ERC1: variants seen among roughly 807,000 people sequenced by gnomAD.
The protein encoded by ERC1 is RAB6 interacting protein 2.
ERC1 carries 56 observed loss-of-function variants against 132.0 expected under a neutral mutation model. The observed-to-expected ratio is 0.42, with a 90% CI of 0.34 to 0.53. The LOEUF is 0.53. Ranked by LOEUF, ERC1 falls within the 20% of genes least tolerant of loss-of-function variation. ERC1 has a pLI of 0.03. For missense variants in ERC1, 1,202 were observed against 1,349.9 expected, an observed-to-expected ratio of 0.89 and a Z score of 1.72; for synonymous variants, 478 against 476.1, an observed-to-expected ratio of 1.00 and a Z score of -0.05.
At chr12:1,272,964 A>C (rs943340143) in intron 14 of ERC1, among the ~76,000 whole-genome samples, 8 of 151,570 alleles carry the variant, frequency 5.3e-5, no homozygotes, top group Admixed American at 2.0e-4. Flanking sequence ...AAAAAAAAAA[A>C]AAAAAAAACC....
chr12:1,011,098 G>C (rs1309145487), intron 1 of ERC1, among the ~76,000 whole-genome samples: 1 of 152,216 alleles, frequency 6.6e-6, no homozygotes, highest in Non-Finnish European at 1.5e-5. Context: ...TGCAAGTGCT[G>C]TGTTGAAAAT....
chr12:1,420,275 G>A (rs889791400), intron 17 of ERC1, among the ~76,000 whole-genome samples: 7 of 152,074 alleles, frequency 4.6e-5, no homozygotes, highest in African/African-American at 1.7e-4. Flanking sequence ...ATGAATTGAA[G>A]CACTTTTCAT....
At chr12:1,144,635 C>G (rs899658578) in intron 8 of ERC1, among the ~76,000 whole-genome samples, 1 of 136,442 alleles carries the variant, frequency 7.3e-6, no homozygotes, top group Non-Finnish European at 1.5e-5. Flanking sequence ...TATATATATA[C>G]GTGTATATAT....
At chr12:1,436,954 A>G (rs1337606585) in intron 17 of ERC1, among the ~76,000 whole-genome samples, 1 of 151,914 alleles carries the variant, frequency 6.6e-6, no homozygotes, top group African/African-American at 2.4e-5. Flanking sequence ...TGTACTGTAC[A>G]GTAGGGAAGC....
In ERC1 at chr12:1,263,094, G is replaced by T. The variant is rs766886419; in HGVS notation, c.2548G>T (p.Val850Leu). ...GCTGGAAGAAGCACTAAGAGAAAGT[G>T]TACAGATAACTGCAGAGCGGGAAAT... is the stretch of plus-strand genomic sequence containing the variant. ...EELEEALRES[V>L]QITAEREMVL... Residue 850 changes from valine (V) to leucine (L), a missense_variant, in exon 14 of 19, where the codon GTA (valine) becomes TTA (leucine). By Grantham distance (32) the Val-to-Leu change is conservative (BLOSUM62 1). Coordinates refer to ENST00000360905, the MANE Select transcript of ERC1 (RefSeq NM_178040.4). 1 of 1,614,060 alleles carries T rather than the reference G, an allele frequency of 6.2e-7. No homozygotes were observed. The highest frequency in any genetic ancestry group is 8.5e-7 in the Non-Finnish European group (1 of 1,179,930).
chr12:1,177,034 T>C (rs1214032806), intron 8 of ERC1, among the ~76,000 whole-genome samples: 2 of 152,240 alleles, frequency 1.3e-5, no homozygotes, highest in East Asian at 3.8e-4. Context: ...ACGGCTTCTT[T>C]CCTTAAACCT....
intron 18 of ERC1, among the ~76,000 whole-genome samples, chr12:1,469,284 G>A (rs2093809170): frequency 6.6e-6 from 1 of 152,340 alleles, no homozygotes. Flanking sequence ...GCTGTCATAC[G>A]GGCATTGGGA....
At chr12:1,459,521 C>T (rs1254970984) in intron 18 of ERC1, among the ~76,000 whole-genome samples, 1 of 152,078 alleles carries the variant, frequency 6.6e-6, no homozygotes, top group Non-Finnish European at 1.5e-5. Flanking sequence ...AGGAAAACTC[C>T]ACCCTGTGGT....
At chr12:1,279,611 C>T (rs2154335745) in intron 14 of ERC1, among the ~76,000 whole-genome samples, 1 of 151,166 alleles carries the variant, frequency 6.6e-6, no homozygotes, top group Admixed American at 6.6e-5. Context: ...AAATTAAACC[C>T]CAGAAATGAC....
At chr12:1,489,180 G>A (rs757373284) in intron 18 of ERC1, among the ~76,000 whole-genome samples, 2 of 151,972 alleles carry the variant, frequency 1.3e-5, no homozygotes, top group Admixed American at 6.5e-5. Flanking sequence ...TTCCCTTTTC[G>A]CAAGATCTGG....
intron 17 of ERC1, among the ~76,000 whole-genome samples, chr12:1,434,878 C>A (rs575942201): frequency 6.6e-6 from 1 of 152,298 alleles, no homozygotes; most frequent in South Asian, 2.1e-4. Context: ...CTTAAGCGTC[C>A]ACAACTATGA....
chr12:1,183,449 G>C, intron 11 of ERC1, 28 bp downstream of exon 11: 1 of 1,529,818 alleles, frequency 6.5e-7, no homozygotes, highest in Non-Finnish European at 8.9e-7. Context: ...ACATTTTTTT[G>C]CTTTGCCTTA....
At chr12:1,380,508 T>A (rs901075209) in intron 16 of ERC1, 2 of 152,178 alleles carry the variant, frequency 1.3e-5, no homozygotes, top group Non-Finnish European at 2.9e-5. Flanking sequence ...TCTTTAGGAG[T>A]GGTTCTCTTT....
intron 1 of ERC1, chr12:1,020,798 T>C (rs1173345191): frequency 2.0e-5 from 3 of 152,082 alleles, no homozygotes; most frequent in Admixed American, 1.3e-4. Flanking sequence ...AAGTACATCA[T>C]TGGAAGCAAG....
At position 1,215,520 on chromosome 12, in the gene ERC1, C is replaced by T. The variant is rs373679097; in HGVS notation, c.2352-21249C>T. ...CTAGATCTAATATTTGCATTTTTTA[C>T]AGTATTACAATTTATCAGTGGATCT... On this transcript the variant is annotated intron_variant, in intron 12 of 18. Transcript: ENST00000360905. 5.9e-5 allele frequency among the ~76,000 whole-genome samples: 9 copies of T among 152,208 alleles called. No homozygotes were observed. In the South Asian group the frequency reaches 1.9e-3, roughly 32 times the overall value.
intron 15 of ERC1, among the ~76,000 whole-genome samples, chr12:1,312,944 G>T (rs538705281): frequency 6.6e-6 from 1 of 152,196 alleles, no homozygotes; most frequent in Non-Finnish European, 1.5e-5. Flanking sequence ...GCAGGTTACA[G>T]CAGTATCACT....
At chr12:1,332,433 C>T (rs1365352400) in intron 15 of ERC1, among the ~76,000 whole-genome samples, 1 of 152,172 alleles carries the variant, frequency 6.6e-6, no homozygotes, top group African/African-American at 2.4e-5. Context: ...AGGTTTTTCA[C>T]GTATTAGTCA....
chr12:1,091,655 C>G (rs1043801280), intron 3 of ERC1, among the ~76,000 whole-genome samples: 5 of 152,190 alleles, frequency 3.3e-5, no homozygotes, highest in Non-Finnish European at 7.3e-5. Flanking sequence ...ATGATCCTTG[C>G]AGATAATGCA....
chr12:1,435,418 C>G (rs1055289745), intron 17 of ERC1, among the ~76,000 whole-genome samples: 127 of 152,144 alleles, frequency 8.3e-4, no homozygotes, highest in African/African-American at 2.9e-3. Flanking sequence ...CCCTGGCTTT[C>G]CTGGAATTAG....
Sources: allele counts gnomAD v4.1 joint callset (sites outside exome capture counted in the v4.1 genomes callset), GRCh38; gene constraint gnomAD v4.1.1; transcripts MANE v1.5; gene names NCBI Gene and HGNC (gene_info 2026-07-23, HGNC 2026-07-21).